SMIM35: variants seen among roughly 807,000 people sequenced by gnomAD.
SMIM35 encodes the protein TMPRSS4 antisense RNA 1 (non-protein coding).
At chr11:118,036,909 T>C (rs187841741) in intron 1 of SMIM35, among the ~76,000 whole-genome samples, 2 of 152,376 alleles carry the variant, frequency 1.3e-5, no homozygotes, top group East Asian at 3.9e-4. Context: ...TCTTCTGCTG[T>C]GCTCTCAGGC....
intron 1 of SMIM35, among the ~76,000 whole-genome samples, chr11:118,065,846 C>A (rs1944466131): frequency 1.3e-5 from 2 of 152,090 alleles, no homozygotes. Flanking sequence ...GCGTTTTGTC[C>A]AATTCTTTGT....
intron 1 of SMIM35, among the ~76,000 whole-genome samples, chr11:118,047,236 T>C (rs1423982033): frequency 6.6e-6 from 1 of 152,188 alleles, no homozygotes; most frequent in East Asian, 1.9e-4. Context: ...TTGTGACATG[T>C]TTACACGTGG....
At chr11:118,067,756 C>T (rs985543306) in intron 1 of SMIM35, among the ~76,000 whole-genome samples, 8 of 150,196 alleles carry the variant, frequency 5.3e-5, no homozygotes, top group African/African-American at 1.2e-4. Flanking sequence ...CGCTTGAACC[C>T]GGGAGATGGA....
At chr11:118,072,096 A>T (rs577632312) in intron 1 of SMIM35, among the ~76,000 whole-genome samples, 102 of 152,284 alleles carry the variant, frequency 6.7e-4, no homozygotes, top group African/African-American at 2.4e-3. Context: ...CATCATAGAA[A>T]ATACTTGCTG....
At chr11:118,022,543 G>A (rs2058239375) in intron 1 of SMIM35, among the ~76,000 whole-genome samples, 1 of 152,158 alleles carries the variant, frequency 6.6e-6, no homozygotes, top group Non-Finnish European at 1.5e-5. Context: ...AGGGAAATTA[G>A]AAAATACTTA....
chr11:118,029,756 G>A (rs2058303087), intron 1 of SMIM35: 1 of 457,232 alleles, frequency 2.2e-6, no homozygotes, highest in Admixed American at 2.3e-5. Context: ...GACTGCCAAA[G>A]CCCCCTTTCC....
intron 1 of SMIM35, among the ~76,000 whole-genome samples, chr11:118,083,766 G>A (rs2135243348): frequency 6.6e-6 from 1 of 152,192 alleles, no homozygotes; most frequent in African/African-American, 2.4e-5. Context: ...AACAATTACT[G>A]TACTCTTGGC....
intron 1 of SMIM35, among the ~76,000 whole-genome samples, chr11:118,026,065 C>T (rs1565383525): frequency 6.6e-6 from 1 of 152,146 alleles, no homozygotes; most frequent in Non-Finnish European, 1.5e-5. Flanking sequence ...TTCCCCATTT[C>T]TTATTATTGT....
At chr11:118,050,684 T>A (rs1314976938) in intron 1 of SMIM35, among the ~76,000 whole-genome samples, 1 of 152,222 alleles carries the variant, frequency 6.6e-6, no homozygotes, top group Non-Finnish European at 1.5e-5. Flanking sequence ...TGCCGGCCGA[T>A]GCATGCATGT....
chr11:118,019,713 G>A (rs1012464575), intron 1 of SMIM35, among the ~76,000 whole-genome samples: 1 of 149,906 alleles, frequency 6.7e-6, no homozygotes, highest in African/African-American at 2.5e-5. Flanking sequence ...AAGTTTTAAC[G>A]TTTTGTTTTT....
chr11:118,017,280 C>T (rs548068388), intron 1 of SMIM35, among the ~76,000 whole-genome samples: 1 of 152,154 alleles, frequency 6.6e-6, no homozygotes, highest in Non-Finnish European at 1.5e-5. Flanking sequence ...ATAGAATTCC[C>T]AGATGGAGTT....
At chr11:118,030,628 G>A (rs1039519642) in intron 1 of SMIM35, among the ~76,000 whole-genome samples, 15 of 152,244 alleles carry the variant, frequency 9.9e-5, no homozygotes, top group African/African-American at 1.9e-4. Context: ...TGCTTAGCAC[G>A]AGATGCCTGA....
intron 1 of SMIM35, among the ~76,000 whole-genome samples, chr11:118,082,971 A>G (rs914175811): frequency 1.3e-5 from 2 of 152,146 alleles, no homozygotes; most frequent in Non-Finnish European, 1.5e-5. Flanking sequence ...GAATCCTCGT[A>G]TGGGACACAG....
At chr11:118,074,949 T>A (rs1228562866) in intron 1 of SMIM35, among the ~76,000 whole-genome samples, 1 of 152,036 alleles carries the variant, frequency 6.6e-6, no homozygotes, top group Non-Finnish European at 1.5e-5. Context: ...CAGACCCAAA[T>A]GGGAGCAGAA....
intron 1 of SMIM35, among the ~76,000 whole-genome samples, chr11:118,063,778 G>C (rs1337085954): frequency 6.6e-6 from 1 of 152,248 alleles, no homozygotes; most frequent in East Asian, 1.9e-4. Flanking sequence ...ACAGGTAGCT[G>C]AACAGGTGGA....
intron 1 of SMIM35, among the ~76,000 whole-genome samples, chr11:118,033,369 T>A (rs1450354235): frequency 6.6e-6 from 1 of 152,232 alleles, no homozygotes; most frequent in Non-Finnish European, 1.5e-5. Flanking sequence ...AAATCTACCC[T>A]TCTGTTTTGG....
intron 1 of SMIM35, among the ~76,000 whole-genome samples, chr11:118,083,925 C>G (rs915148814): frequency 6.6e-6 from 1 of 152,028 alleles, no homozygotes. Context: ...GTAATCCCAG[C>G]TACTCTGGAG....
At chr11:118,047,410 G>A (rs563560313) in intron 1 of SMIM35, among the ~76,000 whole-genome samples, 1 of 152,306 alleles carries the variant, frequency 6.6e-6, no homozygotes, top group Non-Finnish European at 1.5e-5. Context: ...GCCCCAGTCG[G>A]GGCTTTGGAG....
chr11:118,053,307 A>AACAC (rs57912361), intron 1 of SMIM35, among the ~76,000 whole-genome samples: 2,845 of 142,042 alleles, frequency 0.02, 41 homozygotes, highest in African/African-American at 0.039. Flanking sequence ...GACTCTCTAA[A>AACAC]ACACACACAC....
Sources: allele counts gnomAD v4.1 joint callset (sites outside exome capture counted in the v4.1 genomes callset), GRCh38; gene constraint gnomAD v4.1.1; transcripts MANE v1.5; gene names NCBI Gene and HGNC (gene_info 2026-07-23, HGNC 2026-07-21).